Variants in SLC6A9 observed in about 807,000 individuals in gnomAD.
The protein encoded by SLC6A9 is sodium- and chloride-dependent glycine transporter 1.
Under a neutral mutation model 70.9 loss-of-function variants are expected in SLC6A9, and 31 were observed. The ratio of observed to expected loss-of-function variants is 0.44; its 90% CI spans 0.33 to 0.59. The LOEUF (loss-of-function observed/expected upper bound fraction) is 0.59. Among genes scored for constraint, SLC6A9 ranks in the 20% least tolerant of loss-of-function variants. The pLI is 0.04. For synonymous variants in SLC6A9, 310 were observed against 341.3 expected (o/e 0.91, Z 1.01); for missense variants, 631 against 845.2 (o/e 0.75, Z 3.14).
rs145370858 is a variant in SLC6A9 at position 43,997,900 on chromosome 1, G to T, written c.1662C>A (p.Tyr554Ter). The T allele has an allele frequency of 6.2e-7, 1 of 1,614,062 alleles. No homozygotes were observed. The highest frequency in any genetic ancestry group is 8.5e-7 in the Non-Finnish European group (1 of 1,179,944). Residue 554 changes from tyrosine (Y) to a stop codon, truncating the protein, a stop_gained, in exon 13 of 14, where the codon TAC becomes TAA. Transcript: ENST00000372310. LOFTEE classifies it high-confidence loss of function. This position sits in a 1 kb window ranked among gnomAD's most constrained non-coding sequence, Gnocchi z 4.4. ...ALSSVLCIPL[Y>*]AMFRLCRTDG... ...CTGTGCGGCAGAGCCGGAACATGGC[G>T]TAGAGGGGGATGCAGAGGACGGAGG... is the stretch of plus-strand genomic sequence containing the variant.
chr1:44,001,708 G>A, intron 8 of SLC6A9, 81 bp from the exon 9 acceptor site: 9 of 1,053,056 alleles, frequency 8.5e-6, no homozygotes, highest in Non-Finnish European at 1.3e-5. Context: ...GAAAGTTCTA[G>A]GTACAAAGGC....
intron 12 of SLC6A9, among the ~76,000 whole-genome samples, chr1:43,998,922 T>G (rs2085981709): frequency 8.7e-6 from 1 of 115,468 alleles, no homozygotes; most frequent in African/African-American, 3.3e-5. Context: ...ACAAAAGGAG[T>G]GAAAGGAGGC....
intron 1 of SLC6A9, among the ~76,000 whole-genome samples, chr1:44,026,108 ACAAGATGTGACC>A (rs1464858377): frequency 2.0e-5 from 3 of 152,204 alleles, no homozygotes; most frequent in Non-Finnish European, 2.9e-5. Flanking sequence ...CAGGGTGGGG[ACAAGATGTGACC>A]CAGGCTGGCC....
chr1:44,003,518 A>G (rs1365442375), intron 5 of SLC6A9, among the ~76,000 whole-genome samples: 1 of 152,140 alleles, frequency 6.6e-6, no homozygotes, highest in Non-Finnish European at 1.5e-5. Flanking sequence ...GCACTTTGGG[A>G]GGCCGTGGTG....
At chr1:44,029,998 G>T (rs918347385) in intron 1 of SLC6A9, among the ~76,000 whole-genome samples, 2 of 152,164 alleles carry the variant, frequency 1.3e-5, no homozygotes, top group African/African-American at 4.8e-5. Flanking sequence ...GAAATAGACC[G>T]CGCTTTGTGC....
intron 5 of SLC6A9, among the ~76,000 whole-genome samples, chr1:44,006,681 A>T (rs867098199): frequency 6.6e-6 from 1 of 152,008 alleles, no homozygotes; most frequent in African/African-American, 2.4e-5. Context: ...GTTAAAAATT[A>T]AAAAATGAAA....
At position 44,011,509 on chromosome 1, in the gene SLC6A9, C is replaced by T. The variant is rs1202617395; in HGVS notation, c.31-627G>A. On this transcript the variant is annotated intron_variant, in intron 2 of 13. Transcript: ENST00000372310. ...TTCTGGGACTCTAGGTGGGAGGGTC[C>T]GGGGAGCTAGCTACACTGCCCATGG... The T allele has an allele frequency of 4.7e-5, 72 of 1,536,862 alleles. No homozygotes were observed. The East Asian group carries it at 1.1e-3, about 24-fold the overall frequency.
At chr1:44,008,330 C>A in intron 5 of SLC6A9, 23 bp downstream of exon 5, 1 of 1,611,736 alleles carries the variant, frequency 6.2e-7, no homozygotes, top group African/African-American at 1.3e-5. Flanking sequence ...TTCCCCCCAC[C>A]CCAGGTCCTG....
intron 2 of SLC6A9, among the ~76,000 whole-genome samples, chr1:44,015,677 C>T (rs1436391410): frequency 6.6e-6 from 1 of 152,246 alleles, no homozygotes; most frequent in Non-Finnish European, 1.5e-5. Context: ...TTTGTTCTCT[C>T]CTATCAGTGC....
rs1413487827 is a variant in SLC6A9, at chr1:43,997,765, G to A, written c.1708-26C>T. On this transcript the variant is annotated intron_variant, in intron 13 of 13. Transcript: ENST00000372310. The surrounding 1 kb of genome is among the most constrained non-coding windows in gnomAD (Gnocchi z 4.4). ...CTGCATGAGGTAGGCATGGGGCACA[G>A]GGGCAGGGCACGTCAGGAGGGAGCC... The A allele has an allele frequency of 1.9e-6, 3 of 1,596,186 alleles. No individual in the cohort carries two copies. In the East Asian group the frequency reaches 6.7e-5, roughly 36 times the overall value.
chr1:44,027,271 T>C (rs2086999395), intron 1 of SLC6A9, among the ~76,000 whole-genome samples: 1 of 152,208 alleles, frequency 6.6e-6, no homozygotes, highest in Non-Finnish European at 1.5e-5. Context: ...CTGGCTCAGC[T>C]ACTCACCAGG....
intron 2 of SLC6A9, chr1:44,016,626 G>C: frequency 6.7e-6 from 1 of 150,090 alleles, no homozygotes; most frequent in Non-Finnish European, 1.4e-5. Context: ...CCTTGCCACT[G>C]AAACCATGTA....
intron 11 of SLC6A9, 27 bp downstream of exon 11, chr1:44,000,929 C>T (rs375617488): frequency 1.3e-5 from 21 of 1,601,540 alleles, no homozygotes; most frequent in African/African-American, 2.7e-5. Flanking sequence ...GGCCGGGTCG[C>T]GGGAGGCCGG....
chr1:44,024,530 C>T (rs544519043), intron 1 of SLC6A9, among the ~76,000 whole-genome samples, 168 bp from the exon 2 acceptor site: 1 of 152,244 alleles, frequency 6.6e-6, no homozygotes, highest in East Asian at 1.9e-4. Flanking sequence ...CCTTCCCAGT[C>T]CCCCCAACCT....
chr1:44,000,920 G>T (rs1332283936), intron 11 of SLC6A9, 36 bp downstream of exon 11: 4 of 1,599,688 alleles, frequency 2.5e-6, no homozygotes, highest in Non-Finnish European at 3.4e-6. Context: ...CGGGCCAAGG[G>T]CCGGGTCGCG....
chr1:44,030,854 G>A (rs2087099776), intron 1 of SLC6A9, among the ~76,000 whole-genome samples: 1 of 152,158 alleles, frequency 6.6e-6, no homozygotes, highest in African/African-American at 2.4e-5. Flanking sequence ...CTGGGTGCAG[G>A]CACGGCCGAC....
At chr1:44,009,218 G>C (rs1396698768) in intron 4 of SLC6A9, among the ~76,000 whole-genome samples, 1 of 143,110 alleles carries the variant, frequency 7.0e-6, no homozygotes, top group Non-Finnish European at 1.5e-5. Context: ...TAGAGATGGG[G>C]TTTCCTTTTT....
chr1:44,002,272 T>G lies in SLC6A9; in HGVS notation c.962+41A>C, dbSNP rs372134036. On this transcript the variant is annotated intron_variant, in intron 8 of 13. Coordinates refer to ENST00000372310, the MANE Select transcript of SLC6A9 (RefSeq NM_001024845.3). The surrounding 1 kb of genome is among the most constrained non-coding windows in gnomAD (Gnocchi z 5.5). ...GGAGCTGAGATCAGGCTGCAGAGAGTGCAGGAAGGGGGCAGCCTCAGCCCA... is the reference window on the plus strand; with the variant it reads ...GGAGCTGAGATCAGGCTGCAGAGAGGGCAGGAAGGGGGCAGCCTCAGCCCA... 10 of 1,410,734 alleles carry G rather than the reference T, an allele frequency of 7.1e-6. No homozygotes were observed. The highest frequency in any genetic ancestry group is 1.0e-5 in the Non-Finnish European group (10 of 994,946). 87.4% of individuals were successfully genotyped at this position (1,410,734 alleles called of 1,614,324 possible). A position where few individuals can be genotyped will look rare whatever the true frequency, so the allele number is the denominator to read the frequency against.
chr1:44,010,193 G>A lies in SLC6A9; in HGVS notation c.188-97C>T, dbSNP rs2086495382. On this transcript the variant is annotated intron_variant, in intron 3 of 13. Transcript: ENST00000372310. ...CTCAACAGCAAAACCTTCGCGATTG[G>A]GTAGGACCCAGGGAGGAGTGTGCCA... 14 of 1,378,008 alleles carry A rather than the reference G, an allele frequency of 1.0e-5. No individual in the cohort carries two copies. In the South Asian group the frequency reaches 1.8e-4, roughly 18 times the overall value. The allele number at this position is 1,378,008 out of a possible 1,614,324, so 85.4% of individuals were successfully genotyped here.
Sources: allele counts gnomAD v4.1 joint callset (sites outside exome capture counted in the v4.1 genomes callset), GRCh38; gene constraint gnomAD v4.1.1; non-coding constraint Gnocchi (gnomAD v3.1); transcripts MANE v1.5; gene names NCBI Gene and HGNC (gene_info 2026-07-23, HGNC 2026-07-21).